NTNG2: variants seen among roughly 807,000 people sequenced by gnomAD.
NTNG2 encodes netrin-G2.
A neutral mutation model predicts 47.6 loss-of-function variants in NTNG2; 15 were observed. That is an observed-to-expected ratio of 0.32 (90% confidence interval 0.21 to 0.49). The LOEUF is 0.49. Among genes scored for constraint, NTNG2 ranks in the 20% least tolerant of loss-of-function variants. NTNG2 has a pLI of 0.99. For synonymous variants in NTNG2, 307 were observed against 324.6 expected (o/e 0.95, Z 0.58); for missense variants, 578 against 764.6 (o/e 0.76, Z 2.88).
At chr9:132,168,562 GGA>G (rs1327290673) in intron 2 of NTNG2, among the ~76,000 whole-genome samples, 2 of 152,148 alleles carry the variant, frequency 1.3e-5, no homozygotes, top group African/African-American at 4.8e-5. Flanking sequence ...AGAGAGGGAG[GGA>G]GAGAGGGAAG....
intron 3 of NTNG2, among the ~76,000 whole-genome samples, chr9:132,209,044 C>A (rs1185425283): frequency 2.0e-5 from 3 of 152,234 alleles, no homozygotes; most frequent in Non-Finnish European, 4.4e-5. Context: ...AGGACTGTGC[C>A]GTGTGCACTG....
rs142774035 is a variant in NTNG2, at chr9:132,221,342, C to T, written c.858-5507C>T. Among the ~76,000 whole-genome samples, 9 of 152,250 alleles carry T rather than the reference C, an allele frequency of 5.9e-5. No homozygotes were observed. The highest frequency in any genetic ancestry group is 1.9e-4 in the East Asian group (1 of 5,184). On this transcript the variant is annotated intron_variant, in intron 3 of 7. Coordinates refer to ENST00000393229, the MANE Select transcript of NTNG2 (RefSeq NM_032536.4). The surrounding 1 kb of genome is among the most constrained non-coding windows in gnomAD (Gnocchi z 4.2). Reference sequence around the variant, plus strand: ...AGAGAGACAAAGAGACAGGAGAAGACGGAGACATGGAGAGAGGGGCACTGA... The same window carrying T: ...AGAGAGACAAAGAGACAGGAGAAGATGGAGACATGGAGAGAGGGGCACTGA...
chr9:132,234,786 G>C (rs1002857667), intron 5 of NTNG2, among the ~76,000 whole-genome samples: 1 of 152,214 alleles, frequency 6.6e-6, no homozygotes, highest in Non-Finnish European at 1.5e-5. Context: ...TGGGCCTGGC[G>C]GCCTCATCTT....
At position 132,166,759 on chromosome 9, in the gene NTNG2, C is replaced by G; in HGVS notation, c.-73C>G. 6.9e-7 allele frequency: 1 copy of G among 1,444,548 alleles called. No individual in the cohort carries two copies. The highest frequency in any genetic ancestry group is 9.7e-7 in the Non-Finnish European group (1 of 1,035,294). 89.5% of individuals were successfully genotyped at this position (1,444,548 alleles called of 1,614,324 possible). A position where few individuals can be genotyped will look rare whatever the true frequency, so the allele number is the denominator to read the frequency against. On this transcript the variant is annotated 5_prime_UTR_variant, in exon 2 of 8. Coordinates refer to ENST00000393229, the MANE Select transcript of NTNG2 (RefSeq NM_032536.4). ...AGATGTGGCATTTCCATGCTGAGGC[C>G]GCGAGTCCCGCCTGACCCCGTCGCT...
intron 3 of NTNG2, among the ~76,000 whole-genome samples, chr9:132,219,228 AAAAAG>A (rs1840191624): frequency 6.6e-6 from 1 of 151,614 alleles, no homozygotes. Flanking sequence ...AACAAAAAAA[AAAAAG>A]AAAAAAAAAG....
At chr9:132,241,274 G>T (rs1344325358) in intron 7 of NTNG2, among the ~76,000 whole-genome samples, 1 of 151,996 alleles carries the variant, frequency 6.6e-6, no homozygotes, top group South Asian at 2.1e-4. Context: ...GTGAGAGCGG[G>T]GCAGGGTTGG....
chr9:132,202,844 T>C (rs569524369), intron 3 of NTNG2, among the ~76,000 whole-genome samples: 1 of 151,928 alleles, frequency 6.6e-6, no homozygotes, highest in African/African-American at 2.4e-5. Context: ...GCAAAGCTCC[T>C]CAAGTGAGCT....
chr9:132,204,904 C>T (rs1437952121), intron 3 of NTNG2, among the ~76,000 whole-genome samples: 2 of 152,086 alleles, frequency 1.3e-5, no homozygotes, highest in Admixed American at 1.3e-4. Context: ...AGTGAGACCC[C>T]CATCTCAATG....
At chr9:132,185,630 C>T (rs542725713) in intron 2 of NTNG2, among the ~76,000 whole-genome samples, 10 of 152,276 alleles carry the variant, frequency 6.6e-5, no homozygotes, top group Admixed American at 1.3e-4. Flanking sequence ...CTCTTCCTCT[C>T]GGTGCCTTTC....
chr9:132,216,717 T>A (rs1232272266), intron 3 of NTNG2, among the ~76,000 whole-genome samples: 1 of 151,854 alleles, frequency 6.6e-6, no homozygotes, highest in African/African-American at 2.4e-5. Context: ...TTCCTGAGGG[T>A]CAAATTCAGA....
In NTNG2 at chr9:132,197,833, G is replaced by A; in HGVS notation, c.214-133G>A. On this transcript the variant is annotated intron_variant, in intron 2 of 7. Coordinates refer to ENST00000393229, the MANE Select transcript of NTNG2 (RefSeq NM_032536.4). This position sits in a 1 kb window ranked among gnomAD's most constrained non-coding sequence, Gnocchi z 4.3. ...GCACAAATCTCCCAGCTGTGTCTGGGCACCGGAGCACAGGCCCTGTAGCCA... is the reference window on the plus strand; with the variant it reads ...GCACAAATCTCCCAGCTGTGTCTGGACACCGGAGCACAGGCCCTGTAGCCA... 1.3e-6 allele frequency: 1 copy of A among 788,526 alleles called. No individual in the cohort carries two copies. Among genetic ancestry groups the A allele is most frequent in the East Asian group, 2.7e-5 (1 of 37,398 alleles). 48.8% of individuals were successfully genotyped at this position (788,526 alleles called of 1,614,324 possible).
chr9:132,216,420 GTGTGTGTA>G (rs1371241716), intron 3 of NTNG2, among the ~76,000 whole-genome samples: 351 of 29,306 alleles, frequency 0.012, 9 homozygotes, highest in African/African-American at 0.061. Context: ...CTCTCTGTGT[GTGTGTGTA>G]TGTGTGTGTG....
chr9:132,216,410 CTCTCTGTGTGTGTGTGTATG>C (rs1288042030), intron 3 of NTNG2, among the ~76,000 whole-genome samples: 21 of 92,812 alleles, frequency 2.3e-4, no homozygotes, highest in Admixed American at 1.3e-3. Context: ...CTCTCTCTCT[CTCTCTGTGTGTGTGTGTATG>C]TGTGTGTGTG....
chr9:132,175,146 T>C (rs1999389), intron 2 of NTNG2, among the ~76,000 whole-genome samples: 147,617 of 151,972 alleles, frequency 0.97, 71,728 homozygotes, highest in East Asian at 1. Context: ...GGGGAAAGTG[T>C]GTGGGTGACA....
intron 7 of NTNG2, chr9:132,241,517 A>G: frequency 2.9e-6 from 1 of 341,678 alleles, no homozygotes; most frequent in Non-Finnish European, 5.4e-6. Flanking sequence ...ATTTGCGGGG[A>G]CAGAGGGAGG....
At chr9:132,240,691 T>G in intron 6 of NTNG2, 3 of 623,288 alleles carry the variant, frequency 4.8e-6, no homozygotes, top group Non-Finnish European at 8.3e-6. Flanking sequence ...GGCTGGGACG[T>G]GTTTGATCCC....
At chr9:132,194,686 A>G (rs1463691406) in intron 2 of NTNG2, among the ~76,000 whole-genome samples, 2 of 152,234 alleles carry the variant, frequency 1.3e-5, no homozygotes, top group Non-Finnish European at 2.9e-5. Context: ...ATTGGACTCT[A>G]TGGTGAGCTC....
chr9:132,222,737 G>A (rs1840433211), intron 3 of NTNG2, among the ~76,000 whole-genome samples: 1 of 152,168 alleles, frequency 6.6e-6, no homozygotes, highest in Non-Finnish European at 1.5e-5. Flanking sequence ...CTCCTGGGAG[G>A]AAAGGCGTCA....
intron 3 of NTNG2, among the ~76,000 whole-genome samples, chr9:132,203,511 C>T (rs542541294): frequency 3.9e-5 from 6 of 152,124 alleles, no homozygotes; most frequent in African/African-American, 1.2e-4. Flanking sequence ...AGATCTTCTG[C>T]GGTTACAAAG....
Sources: allele counts gnomAD v4.1 joint callset (sites outside exome capture counted in the v4.1 genomes callset), GRCh38; gene constraint gnomAD v4.1.1; non-coding constraint Gnocchi (gnomAD v3.1); transcripts MANE v1.5; gene names NCBI Gene and HGNC (gene_info 2026-07-23, HGNC 2026-07-21).